HSPA4L: variants seen among roughly 807,000 people sequenced by gnomAD.
The protein encoded by HSPA4L is heat shock 70 kDa protein 4L.
A neutral mutation model predicts 100.3 loss-of-function variants in HSPA4L; 48 were observed. The observed-to-expected ratio is 0.48, with a 90% CI of 0.38 to 0.61. The LOEUF (loss-of-function observed/expected upper bound fraction) is 0.61, where lower values mean the gene tolerates loss of function less well. Ranked by LOEUF, HSPA4L falls within the 20% of genes least tolerant of loss-of-function variation. The pLI, the probability that HSPA4L is intolerant of heterozygous loss-of-function variation, is 0.00. For synonymous variants in HSPA4L, 319 were observed against 328.2 expected, an observed-to-expected ratio of 0.97 and a Z score of 0.30; for missense variants, 886 against 988.6, an observed-to-expected ratio of 0.90 and a Z score of 1.39.
In HSPA4L at chr4:127,834,223, GC is replaced by G. The variant is rs1734154775; in HGVS notation, c.*1352del. 2 of 152,098 alleles carry G rather than the reference GC, an allele frequency of 1.3e-5. No homozygotes were observed. The highest frequency in any genetic ancestry group is 3.8e-4 in the East Asian group (2 of 5,200). The allele number at this position is 152,098 out of a possible 1,614,324, so 9.4% of individuals were successfully genotyped here. A position where few individuals can be genotyped will look rare whatever the true frequency, so the allele number is the denominator to read the frequency against. ...GACAGAAGCATAGACAAGTATATGA[GC>G]CCTTATGTCCTTAATGCCAATCAAC... On this transcript the variant is annotated 3_prime_UTR_variant, in exon 19 of 19. Transcript: ENST00000296464.
intron 18 of HSPA4L, among the ~76,000 whole-genome samples, 167 bp downstream of exon 18, chr4:127,830,966 T>C (rs1035043443): frequency 6.6e-6 from 1 of 152,194 alleles, no homozygotes; most frequent in African/African-American, 2.4e-5. Flanking sequence ...GGGGTATCCC[T>C]TGATTTAATT....
Position 127,839,032 on chromosome 4 carries a change from A to G in HSPA4L, c.*6158A>G, listed in dbSNP as rs189703827. 7.9e-5 allele frequency: 12 copies of G among 152,312 alleles called. No individual in the cohort carries two copies. Among genetic ancestry groups the G allele is most frequent in the African/African-American group, 2.9e-4 (12 of 41,572 alleles). The allele number at this position is 152,312 out of a possible 1,614,324, so 9.4% of individuals were successfully genotyped here. A position where few individuals can be genotyped will look rare whatever the true frequency, so the allele number is the denominator to read the frequency against. On this transcript the variant is annotated 3_prime_UTR_variant, in exon 19 of 19. Transcript: ENST00000296464. ...GAATACTTTAATTCCGGACCAAAAG[A>G]GGTCAATTTTGTGAGTATTGCCTAT...
rs767535197 is a variant in HSPA4L, at chr4:127,837,300, G to C, written c.*4426G>C. On this transcript the variant is annotated 3_prime_UTR_variant, in exon 19 of 19. Coordinates refer to ENST00000296464, the MANE Select transcript of HSPA4L (RefSeq NM_014278.4). The stretch of plus-strand genomic sequence containing the variant: ...GTTATTTTGTGGTTAAACTTCTAAA[G>C]TTTTGAACTGTAAGCAGAATTTTGT... 5.3e-5 allele frequency: 8 copies of C among 152,168 alleles called. No individual in the cohort carries two copies. Among genetic ancestry groups the C allele is most frequent in the Admixed American group, 6.5e-5 (1 of 15,272 alleles). 9.4% of individuals were successfully genotyped at this position (152,168 alleles called of 1,614,324 possible).
chr4:127,805,091 T>G lies in HSPA4L; in HGVS notation c.1004T>G (p.Ile335Ser), dbSNP rs767059002. ...TTTCCAGACTTACAACGTGAAGACA[T>G]TAGTAGTATAGAAATTGTAGGAGGA... ...MEQANLQRED[I>S]SSIEIVGGAT... The change falls in exon 9 of 19, where the codon ATT becomes AGT. Residue 335 changes from isoleucine to serine, a missense_variant. Physicochemically the swap from Ile to Ser is moderately radical, Grantham distance 142 (BLOSUM62 -2). Transcript: ENST00000296464. 1.9e-6 allele frequency: 3 copies of G among 1,609,356 alleles called. No individual in the cohort carries two copies. The highest frequency in any genetic ancestry group is 1.1e-5 in the South Asian group (1 of 90,534).
At position 127,837,036 on chromosome 4, in the gene HSPA4L, G is replaced by A. The variant is rs1348924738; in HGVS notation, c.*4162G>A. 2 of 152,098 alleles carry A rather than the reference G, an allele frequency of 1.3e-5. No individual in the cohort carries two copies. Among genetic ancestry groups the A allele is most frequent in the African/African-American group, 2.4e-5 (1 of 41,398 alleles). 9.4% of individuals were successfully genotyped at this position (152,098 alleles called of 1,614,324 possible). On this transcript the variant is annotated 3_prime_UTR_variant, in exon 19 of 19. Transcript: ENST00000296464. ...GCTCACTGCAGCCTCCACCACCTGA[G>A]TTCAAGCGATTTTTCTGCCTCAACC...
rs1157065579 is a variant in HSPA4L, at chr4:127,837,374, G to A, written c.*4500G>A. ...CTGTTAATGAGAGGCACAGCTAATT[G>A]TACATATCAATATACATTTAAAATC... On this transcript the variant is annotated 3_prime_UTR_variant, in exon 19 of 19. Coordinates refer to ENST00000296464, the MANE Select transcript of HSPA4L (RefSeq NM_014278.4). 1 of 152,158 alleles carries A rather than the reference G, an allele frequency of 6.6e-6. No homozygotes were observed. The highest frequency in any genetic ancestry group is 1.5e-5 in the Non-Finnish European group (1 of 68,030). 9.4% of individuals were successfully genotyped at this position (152,158 alleles called of 1,614,324 possible). A position where few individuals can be genotyped will look rare whatever the true frequency, so the allele number is the denominator to read the frequency against.
At chr4:127,810,440 G>A (rs1276376801) in intron 11 of HSPA4L, among the ~76,000 whole-genome samples, 1 of 152,150 alleles carries the variant, frequency 6.6e-6, no homozygotes, top group Non-Finnish European at 1.5e-5. Context: ...CTGGAGGTTA[G>A]AAGTCTGAAG....
chr4:127,823,639 A>G lies in HSPA4L; in HGVS notation c.2046+15A>G. 1 of 1,499,394 alleles carries G rather than the reference A, an allele frequency of 6.7e-7. No homozygotes were observed. Among genetic ancestry groups the G allele is most frequent in the East Asian group, 2.3e-5 (1 of 44,196 alleles). 92.9% of individuals were successfully genotyped at this position (1,499,394 alleles called of 1,614,324 possible). On this transcript the variant is annotated intron_variant, in intron 16 of 18. Coordinates refer to ENST00000296464, the MANE Select transcript of HSPA4L (RefSeq NM_014278.4). Reference sequence around the variant, plus strand: ...AAGAACTAAAGGTACATTTTTTTAAAGTCCATGTTAGTATAAACCAGTAAC... The same window carrying G: ...AAGAACTAAAGGTACATTTTTTTAAGGTCCATGTTAGTATAAACCAGTAAC...
intron 5 of HSPA4L, 39 bp from the exon 6 acceptor site, chr4:127,801,746 A>G: frequency 2.0e-6 from 3 of 1,527,462 alleles, no homozygotes; most frequent in Non-Finnish European, 2.7e-6. Context: ...CCAAGTAATT[A>G]CTGTGCTAGA....
chr4:127,783,292 A>G (rs1732618673), intron 1 of HSPA4L, among the ~76,000 whole-genome samples: 1 of 151,762 alleles, frequency 6.6e-6, no homozygotes, highest in Non-Finnish European at 1.5e-5. Flanking sequence ...TCAATGGTGC[A>G]TTGATAGGGA....
chr4:127,806,614 A>G (rs374650596), intron 10 of HSPA4L, among the ~76,000 whole-genome samples: 72 of 152,112 alleles, frequency 4.7e-4, no homozygotes, highest in Middle Eastern at 3.4e-3. Context: ...ATAAGCTACA[A>G]TATTTTCATG....
At chr4:127,809,307 C>A (rs1054205615) in intron 11 of HSPA4L, 5 of 1,206,832 alleles carry the variant, frequency 4.1e-6, no homozygotes, top group Non-Finnish European at 4.9e-6. Context: ...ACTCTCGAGA[C>A]CCTGTCTTAA....
In HSPA4L at chr4:127,800,748, G is replaced by C. The variant is rs563324467; in HGVS notation, c.430-390G>C. ...ACAATTCAGATCTACCTGATTCTTT[G>C]TAACAGCTACATAGGATTCCATTAT... is the stretch of plus-strand genomic sequence containing the variant. On this transcript the variant is annotated intron_variant, in intron 4 of 18. Transcript: ENST00000296464. 6.6e-5 allele frequency among the ~76,000 whole-genome samples: 10 copies of C among 152,184 alleles called. No homozygotes were observed. The East Asian group carries it at 1.9e-3, about 29-fold the overall frequency.
chr4:127,822,945 C>T (rs746637995), intron 15 of HSPA4L, 51 bp downstream of exon 15: 42 of 1,536,246 alleles, frequency 2.7e-5, no homozygotes, highest in Admixed American at 1.1e-4. Flanking sequence ...AAGGTTTACT[C>T]GAGAATGCTA....
At chr4:127,785,198 CTCTCA>C (rs1167460220) in intron 1 of HSPA4L, among the ~76,000 whole-genome samples, 2 of 152,152 alleles carry the variant, frequency 1.3e-5, no homozygotes, top group Non-Finnish European at 2.9e-5. Context: ...TTATACTAGC[CTCTCA>C]TCTCCTGCAT....
At chr4:127,809,489 G>T in intron 11 of HSPA4L, 1 of 1,037,484 alleles carries the variant, frequency 9.6e-7, no homozygotes, top group Admixed American at 1.7e-5. Context: ...GAAAATATTT[G>T]TGATGGAAAA....
intron 13 of HSPA4L, among the ~76,000 whole-genome samples, chr4:127,820,157 C>T (rs1045548573): frequency 2.4e-4 from 37 of 152,178 alleles, no homozygotes; most frequent in African/African-American, 8.4e-4. Context: ...CCTCAACTAA[C>T]ACTTATTATT....
At position 127,807,395 on chromosome 4, in the gene HSPA4L, G is replaced by A. The variant is rs180988467; in HGVS notation, c.1245-601G>A. Among the ~76,000 whole-genome samples, 575 of 152,100 alleles carry A rather than the reference G, an allele frequency of 3.8e-3. 3 individuals carry two copies. Among genetic ancestry groups the A allele is most frequent in the South Asian group, 5.4e-3 (26 of 4,826 alleles). ...AAATATGAATAGGTAAAGCATCAGA[G>A]AATATCCCTATTAGGATGCACACTG... On this transcript the variant is annotated intron_variant, in intron 10 of 18. Transcript: ENST00000296464.
chr4:127,808,021 C>A lies in HSPA4L; in HGVS notation c.1270C>A (p.His424Asn), dbSNP rs780956984. Residue 424 changes from histidine (H) to asparagine (N), a missense_variant, in exon 11 of 19, where the codon CAT becomes AAT. His to Asn is a moderately conservative substitution (Grantham distance 68). Transcript: ENST00000296464. ...SGECEVFCKN[H>N]PAPFSKVITF... ...GGAATGTGAAGTTTTCTGTAAGAAC[C>A]ATCCTGCCCCATTCTCAAAAGTCAT... 1 of 1,609,700 alleles carries A rather than the reference C, an allele frequency of 6.2e-7. No homozygotes were observed. The highest frequency in any genetic ancestry group is 8.5e-7 in the Non-Finnish European group (1 of 1,178,698).
Sources: gnomAD v4.1 joint callset for allele counts (sites outside exome capture counted in the v4.1 genomes callset) on GRCh38, gnomAD v4.1.1 for gene constraint, MANE v1.5 for transcripts, NCBI Gene and HGNC (gene_info 2026-07-23, HGNC 2026-07-21) for gene names.